CEP85L: variants seen among roughly 807,000 people sequenced by gnomAD.
The protein encoded by CEP85L is centrosomal protein 85L, also known as centrosomal protein of 85 kDa-like.
Under a neutral mutation model 100.3 loss-of-function variants are expected in CEP85L, and 60 were observed. The observed-to-expected ratio is 0.60, with a 90% CI of 0.49 to 0.74. The LOEUF is 0.74. Ranked by LOEUF, CEP85L falls within the 30% of genes least tolerant of loss-of-function variation. The pLI is 0.00. For synonymous variants in CEP85L, 319 were observed against 322.7 expected, an observed-to-expected ratio of 0.99 and a Z score of 0.12; for missense variants, 973 against 936.2, an observed-to-expected ratio of 1.04 and a Z score of -0.51.
chr6:118,693,798 A>G (rs1777119880), intron 1 of CEP85L, among the ~76,000 whole-genome samples: 1 of 152,230 alleles, frequency 6.6e-6, no homozygotes. Context: ...TGGCCATGCT[A>G]TCTTTAGAAA....
chr6:118,529,502 G>A (rs1777161175), intron 3 of CEP85L, among the ~76,000 whole-genome samples: 1 of 151,354 alleles, frequency 6.6e-6, no homozygotes, highest in Admixed American at 6.6e-5. Flanking sequence ...CAGCTACTCG[G>A]GAGGCTAAGG....
intron 10 of CEP85L, among the ~76,000 whole-genome samples, chr6:118,477,437 T>A (rs1306538870): frequency 6.6e-6 from 1 of 152,148 alleles, no homozygotes; most frequent in African/African-American, 2.4e-5. Context: ...TTTATTTGAC[T>A]TTTGTGGCAA....
At chr6:118,573,226 T>A (rs1780015275) in intron 2 of CEP85L, among the ~76,000 whole-genome samples, 1 of 152,138 alleles carries the variant, frequency 6.6e-6, no homozygotes. Flanking sequence ...CAACTATCAA[T>A]GATAGCCAAC....
In CEP85L at chr6:118,600,299, GGGTGTGT is replaced by G. The variant is rs1562297711; in HGVS notation, c.232+32147_232+32153del. Among the ~76,000 whole-genome samples the G allele has an allele frequency of 1.5e-3, 137 of 88,996 alleles. 12 individuals are homozygous for G. Among genetic ancestry groups the G allele is most frequent in the African/African-American group, 2.8e-3 (66 of 23,200 alleles). 58.4% of individuals were successfully genotyped at this position (88,996 alleles called of 152,430 possible). On this transcript the variant is annotated intron_variant, in intron 2 of 12. Transcript: ENST00000368491. ...ACTGCCTGTCCCTGAGCCTTCCTGGGGGTGTGTGTGTGTGTGTGTGTGTGTGTGTGTG... is the reference window on the plus strand; with the variant it reads ...ACTGCCTGTCCCTGAGCCTTCCTGGGGTGTGTGTGTGTGTGTGTGTGTGTG...
rs547500299 is a variant in CEP85L at position 118,583,599 on chromosome 6, A to G, written c.233-17283T>C. On this transcript the variant is annotated intron_variant, in intron 2 of 12. Coordinates refer to ENST00000368491, the MANE Select transcript of CEP85L (RefSeq NM_001042475.3). ...ATGTGGAAGTGTGGGCAACTTAAGG[A>G]AGAATAGGTTGAGCTATAACCACTA... Among the ~76,000 whole-genome samples, 9 of 152,306 alleles carry G rather than the reference A, an allele frequency of 5.9e-5. No individual in the cohort carries two copies. The South Asian group carries it at 1.2e-3, about 21-fold the overall frequency.
chr6:118,653,667 C>T (rs1339575446), upstream of CEP85L, among the ~76,000 whole-genome samples: 1 of 151,294 alleles, frequency 6.6e-6, no homozygotes, highest in Admixed American at 6.6e-5. Flanking sequence ...AAAGCAAAGA[C>T]AGTTATCGTT....
intron 5 of CEP85L, among the ~76,000 whole-genome samples, chr6:118,497,367 C>G (rs1388006116): frequency 1.3e-5 from 2 of 152,126 alleles, no homozygotes; most frequent in Non-Finnish European, 2.9e-5. Context: ...TGGACATAAT[C>G]AACAAACTTT....
At chr6:118,707,970 T>TG (rs36015585) in intron 1 of CEP85L, among the ~76,000 whole-genome samples, 1,288 of 6,126 alleles carry the variant, frequency 0.21, 12 homozygotes, top group Middle Eastern at 0.45. Context: ...GTTGCTTTTT[T>TG]GGGGGGGGGA....
chr6:118,675,371 T>C (rs920562314), intron 1 of CEP85L, among the ~76,000 whole-genome samples: 10 of 152,008 alleles, frequency 6.6e-5, no homozygotes, highest in Non-Finnish European at 1.3e-4. Flanking sequence ...CTAATGACTA[T>C]GGGGTTTCCT....
chr6:118,646,542 G>A (rs1048738101), intron 1 of CEP85L, among the ~76,000 whole-genome samples: 8 of 151,830 alleles, frequency 5.3e-5, no homozygotes, highest in Non-Finnish European at 1.0e-4. Flanking sequence ...GGTGGTTTAC[G>A]CCTCTAATCC....
intron 2 of CEP85L, among the ~76,000 whole-genome samples, chr6:118,631,818 G>C (rs1774172128): frequency 6.6e-6 from 1 of 152,170 alleles, no homozygotes; most frequent in Non-Finnish European, 1.5e-5. Flanking sequence ...GGCAGAGAGA[G>C]AAGTGGGTGT....
chr6:118,521,234 T>A (rs1431533306), intron 4 of CEP85L, among the ~76,000 whole-genome samples: 2 of 152,218 alleles, frequency 1.3e-5, no homozygotes, highest in Non-Finnish European at 2.9e-5. Context: ...CCATCAACAT[T>A]TTAAAGGCCA....
In CEP85L at chr6:118,533,379, T is replaced by A. The variant is rs150202801; in HGVS notation, c.1021-9459A>T. On this transcript the variant is annotated intron_variant, in intron 3 of 12. Transcript: ENST00000368491. ...TTCAATAACTTGAATTAGACCAACT[T>A]CTTAAAAAACACAAACTTACCCAAA... 2.4e-3 allele frequency among the ~76,000 whole-genome samples: 359 copies of A among 152,204 alleles called. 2 individuals are homozygous for A. The highest frequency in any genetic ancestry group is 8.2e-3 in the African/African-American group (341 of 41,538).
At chr6:118,588,146 A>C (rs1232716581) in intron 2 of CEP85L, among the ~76,000 whole-genome samples, 1 of 152,206 alleles carries the variant, frequency 6.6e-6, no homozygotes, top group African/African-American at 2.4e-5. Context: ...TACATCGGAC[A>C]AAGGGATCTA....
At chr6:118,622,516 G>A (rs1773517695) in intron 2 of CEP85L, among the ~76,000 whole-genome samples, 1 of 152,214 alleles carries the variant, frequency 6.6e-6, no homozygotes, top group African/African-American at 2.4e-5. Flanking sequence ...CTATGCCATA[G>A]TTAGCAATGC....
At chr6:118,700,485 T>C (rs1777372149) in intron 1 of CEP85L, among the ~76,000 whole-genome samples, 1 of 152,238 alleles carries the variant, frequency 6.6e-6, no homozygotes, top group Admixed American at 6.5e-5. Flanking sequence ...GTGTGATCTA[T>C]AGTTATGCTC....
chr6:118,535,878 T>A (rs1282511125), intron 3 of CEP85L, among the ~76,000 whole-genome samples: 2 of 152,092 alleles, frequency 1.3e-5, no homozygotes, highest in African/African-American at 4.8e-5. Flanking sequence ...ATCTTATAGA[T>A]TTAATTTATT....
chr6:118,567,359 A>G (rs1424707341), intron 2 of CEP85L, among the ~76,000 whole-genome samples: 1 of 149,200 alleles, frequency 6.7e-6, no homozygotes, highest in Non-Finnish European at 1.5e-5. Flanking sequence ...TTAAATCCCC[A>G]AGTTGTACAT....
intron 5 of CEP85L, among the ~76,000 whole-genome samples, chr6:118,508,714 C>T (rs1476319940): frequency 6.6e-6 from 1 of 151,972 alleles, no homozygotes; most frequent in Non-Finnish European, 1.5e-5. Flanking sequence ...ATTTTACTGA[C>T]TTATTTACTC....
Sources: allele counts gnomAD v4.1 joint callset (sites outside exome capture counted in the v4.1 genomes callset), GRCh38; gene constraint gnomAD v4.1.1; transcripts MANE v1.5; gene names NCBI Gene and HGNC (gene_info 2026-07-23, HGNC 2026-07-21).